Variants in TMEM223 observed in about 807,000 individuals in gnomAD.
TMEM223 encodes transmembrane protein 223.
A neutral mutation model predicts 14.1 loss-of-function variants in TMEM223; 14 were observed. The ratio of observed to expected loss-of-function variants is 0.99; its 90% confidence interval spans 0.66 to 1.55. The LOEUF (loss-of-function observed/expected upper bound fraction) is 1.55, where lower values mean the gene tolerates loss of function less well. Ranked by LOEUF, TMEM223 falls within the 40% of genes most tolerant of loss-of-function variation. The pLI is 0.00. For synonymous variants in TMEM223, 145 were observed against 120.5 expected (o/e 1.20, Z -1.33); for missense variants, 346 against 269.9 (o/e 1.28, Z -1.97).
intron 1 of TMEM223, chr11:62,778,612 G>T: frequency 1.6e-6 from 1 of 612,390 alleles, no homozygotes; most frequent in South Asian, 2.0e-5. Context: ...ATGCTGAGCA[G>T]AGCTTCACAG....
downstream of TMEM223, chr11:62,782,869 T>C (rs1373864850): frequency 6.2e-7 from 1 of 1,603,800 alleles, no homozygotes. Flanking sequence ...GAACTCCCAT[T>C]TGTGTTAGAA....
chr11:62,786,227 A>G (rs2084273688), downstream of TMEM223: 2 of 1,593,634 alleles, frequency 1.3e-6, no homozygotes, highest in African/African-American at 1.3e-5. Context: ...AGTATCAAAG[A>G]CATGCTAACT....
chr11:62,781,547 G>C (rs868467951), intron 1 of TMEM223, among the ~76,000 whole-genome samples: 1 of 151,644 alleles, frequency 6.6e-6, no homozygotes, highest in East Asian at 1.9e-4. Flanking sequence ...GGTGGCAGGC[G>C]CCTGTAGTCC....
downstream of TMEM223, chr11:62,789,716 T>C (rs1451419613): frequency 6.6e-7 from 1 of 1,523,648 alleles, no homozygotes; most frequent in Non-Finnish European, 8.8e-7. Flanking sequence ...CTGACATAAA[T>C]ATCTGTAGCT....
At chr11:62,782,192 T>C (rs1453988780) in intron 1 of TMEM223, 1 of 1,614,036 alleles carries the variant, frequency 6.2e-7, no homozygotes, top group Non-Finnish European at 8.5e-7. Context: ...AATCCGCACC[T>C]GTGCTTGGGG....
downstream of TMEM223, chr11:62,787,507 G>C (rs535599426): frequency 5.7e-6 from 9 of 1,577,008 alleles, no homozygotes; most frequent in South Asian, 1.0e-4. Flanking sequence ...CGTGGCGGCC[G>C]CGGCGATGAC....
intron 1 of TMEM223, among the ~76,000 whole-genome samples, chr11:62,779,370 A>AT (rs1254317324): frequency 4.6e-5 from 7 of 151,384 alleles, no homozygotes; most frequent in Non-Finnish European, 8.8e-5. Context: ...AATTTTTTGT[A>AT]TTTTTTAGTA....
intron 1 of TMEM223, among the ~76,000 whole-genome samples, chr11:62,780,527 G>A (rs1031306761): frequency 2.6e-5 from 4 of 151,994 alleles, no homozygotes; most frequent in African/African-American, 9.6e-5. Flanking sequence ...AAAAGATCAC[G>A]CTGCTGCACT....
intron 1 of TMEM223, chr11:62,782,445 CT>C: frequency 4.0e-6 from 5 of 1,245,124 alleles, no homozygotes; most frequent in Middle Eastern, 2.8e-4. Flanking sequence ...GATGGGGAAC[CT>C]TTTCCCTAGG....
At chr11:62,787,451 A>C, downstream of TMEM223, 1 of 1,569,320 alleles carries the variant, frequency 6.4e-7, no homozygotes, top group Non-Finnish European at 8.6e-7. Flanking sequence ...TCCTGGCTGC[A>C]GCGCGTCGAG....
chr11:62,780,081 G>A (rs1375562617), intron 1 of TMEM223, among the ~76,000 whole-genome samples: 1 of 149,704 alleles, frequency 6.7e-6, no homozygotes, highest in Non-Finnish European at 1.5e-5. Flanking sequence ...CACTTTGGGA[G>A]GCAGAGGTGG....
At chr11:62,771,974 C>CT in exon 3 of TMEM223, 1 of 388,550 alleles carries the variant, frequency 2.6e-6, no homozygotes, top group Non-Finnish European at 5.1e-6. Flanking sequence ...GGATCCAGGC[C>CT]TTGTTCCCCA....
At position 62,791,800 on chromosome 11, in the gene TMEM223, T is replaced by A. The variant is rs201907886; in HGVS notation, c.195A>T (p.Ala65=). The A allele has an allele frequency of 2.5e-4, 395 of 1,576,970 alleles. 3 individuals carry two copies. The East Asian group carries it at 9.1e-3, about 36-fold the overall frequency. Residue 65 remains alanine (A), a synonymous_variant, in exon 1 of 2, where the codon GCA becomes GCT. Coordinates refer to ENST00000307366, the MANE Select transcript of TMEM223 (RefSeq NM_001080501.3). ...QGVFWASMAV[A]AVSRPPVPVQ... ...CCGGAACCGGGGGCCGGGACACGGC[T>A]GCCACAGCCATGGAAGCCCAGAAGA...
At chr11:62,787,558 G>T (rs760507029), downstream of TMEM223, 10 of 1,517,396 alleles carry the variant, frequency 6.6e-6, no homozygotes, top group Non-Finnish European at 8.8e-6. Context: ...CAGGTAGGCG[G>T]GGGAGCTGGC....
In TMEM223 at chr11:62,791,850, CGAGGAT is replaced by C; in HGVS notation, c.139_144del (p.Ile47_Leu48del). 1 of 1,592,394 alleles carries C rather than the reference CGAGGAT, an allele frequency of 6.3e-7. No individual in the cohort carries two copies. Among genetic ancestry groups the C allele is most frequent in the Non-Finnish European group, 8.5e-7 (1 of 1,170,226 alleles). On this transcript the variant is annotated inframe_deletion, in exon 1 of 2. Transcript: ENST00000307366. ...ACGCCCTGGCCCGCGCAGAACAGCCCGAGGATGGTGAAGAAGCGGCCCCGATCATGC... is the reference window on the plus strand; with the variant it reads ...ACGCCCTGGCCCGCGCAGAACAGCCCGGTGAAGAAGCGGCCCCGATCATGC...
chr11:62,786,508 C>A, downstream of TMEM223: 1 of 1,562,212 alleles, frequency 6.4e-7, no homozygotes, highest in Non-Finnish European at 8.7e-7. Context: ...TAGTCCTTGG[C>A]TCTTACAGGT....
Position 62,790,081 on chromosome 11 carries a change from T to TC in TMEM223, c.*541dup. ...CGGAGTGCTTCCTGCAGCCGAAGAC[T>TC]CCATGCCCAAGTGCCTGTAATCCCC... On this transcript the variant is annotated 3_prime_UTR_variant, in exon 2 of 2. Transcript: ENST00000307366. 6.4e-7 allele frequency: 1 copy of TC among 1,557,600 alleles called. No homozygotes were observed.
In TMEM223 at chr11:62,791,889, G is replaced by C. The variant is rs748567437; in HGVS notation, c.106C>G (p.Leu36Val). The C allele has an allele frequency of 1.1e-5, 17 of 1,599,438 alleles. No individual in the cohort carries two copies. Among genetic ancestry groups the C allele is most frequent in the South Asian group, 4.5e-5 (4 of 88,454 alleles). The stretch of plus-strand genomic sequence containing the variant: ...AAGCGGCCCCGATCATGCTCAAAGA[G>C]CAGCACATCCCGTTGCAGCGTCGTG... ...QGTTLQRDVL[L>V]FEHDRGRFFT... The change falls in exon 1 of 2, where the codon CTC becomes GTC. Residue 36 changes from leucine to valine, a missense_variant. Leu to Val is a conservative substitution (Grantham distance 32). Transcript: ENST00000307366.
chr11:62,791,937 G>T lies in TMEM223; in HGVS notation c.58C>A (p.Leu20Ile). 1 of 1,592,486 alleles carries T rather than the reference G, an allele frequency of 6.3e-7. No homozygotes were observed. Reference protein sequence around the residue: ...TGLLAVLRPLLTCRPLQGTTL... With the variant: ...TGLLAVLRPLITCRPLQGTTL... Reference sequence around the variant, plus strand: ...GTGCCTTGCAGGGGCCGGCAGGTGAGCAGGGGCCGCAGCACGGCTAGCAGC... The same window carrying T: ...GTGCCTTGCAGGGGCCGGCAGGTGATCAGGGGCCGCAGCACGGCTAGCAGC... The change falls in exon 1 of 2, where the codon CTC (leucine) becomes ATC (isoleucine). Residue 20 changes from leucine (L) to isoleucine (I), a missense_variant. Coordinates refer to ENST00000307366, the MANE Select transcript of TMEM223 (RefSeq NM_001080501.3).
Sources: gnomAD v4.1 joint callset for allele counts (sites outside exome capture counted in the v4.1 genomes callset) on GRCh38, gnomAD v4.1.1 for gene constraint, MANE v1.5 for transcripts, NCBI Gene and HGNC (gene_info 2026-07-23, HGNC 2026-07-21) for gene names.